The following SAE1 variants were observed in gnomAD, a reference collection of about 807,000 sequenced individuals.
SAE1 encodes SUMO1 activating enzyme subunit 1.
A neutral mutation model predicts 40.6 loss-of-function variants in SAE1; 11 were observed. The observed-to-expected ratio is 0.27, with a 90% CI of 0.17 to 0.45. The LOEUF is 0.45. SAE1 is among the 20% of genes least tolerant of loss of function. The pLI is 1.00. For synonymous variants in SAE1, 155 were observed against 154.3 expected, an observed-to-expected ratio of 1.00 and a Z score of -0.03; for missense variants, 373 against 427.3, an observed-to-expected ratio of 0.87 and a Z score of 1.12.
At chr19:47,145,419 T>C (rs905756043) in intron 2 of SAE1, among the ~76,000 whole-genome samples, 2 of 152,174 alleles carry the variant, frequency 1.3e-5, no homozygotes, top group Non-Finnish European at 1.5e-5. Flanking sequence ...AGTGCGGTGA[T>C]TACAGGTGTG....
At chr19:47,179,140 C>T (rs1166300662) in intron 6 of SAE1, among the ~76,000 whole-genome samples, 10 of 144,518 alleles carry the variant, frequency 6.9e-5, no homozygotes, top group African/African-American at 2.1e-4. Context: ...TGCAGTGAGC[C>T]GAGATCTCAC....
At chr19:47,208,686 G>C (rs1237801693) in intron 8 of SAE1, among the ~76,000 whole-genome samples, 1 of 152,084 alleles carries the variant, frequency 6.6e-6, no homozygotes, top group African/African-American at 2.4e-5. Flanking sequence ...CAGCCTCCCA[G>C]AGTGCTGGGA....
intron 6 of SAE1, among the ~76,000 whole-genome samples, chr19:47,190,422 G>A (rs2058571502): frequency 6.6e-6 from 1 of 152,206 alleles, no homozygotes; most frequent in East Asian, 1.9e-4. Flanking sequence ...CTTGTCAGGG[G>A]CTAGGGTCAG....
In SAE1 at chr19:47,169,867, G is replaced by A. The variant is rs1308027207; in HGVS notation, c.677G>A (p.Ser226Asn). Residue 226 changes from serine (S) to asparagine (N), a missense_variant, in exon 6 of 9, where the codon AGT (serine) becomes AAT (asparagine). This residue lies in a region of SAE1 where 351 missense variants were observed against 390.6 expected (regional missense o/e 0.90). Coordinates refer to ENST00000270225, the MANE Select transcript of SAE1 (RefSeq NM_005500.3). Reference sequence around the variant, plus strand: ...GAAGCCCTGGAGGTGGACTGGAGCAGTGAGAAAGCAAAGGCTGCTCTGAAG... The same window carrying A: ...GAAGCCCTGGAGGTGGACTGGAGCAATGAGAAAGCAAAGGCTGCTCTGAAG... ...VKEALEVDWS[S>N]EKAKAALKRT... 9 of 1,614,088 alleles carry A rather than the reference G, an allele frequency of 5.6e-6. No homozygotes were observed. Among genetic ancestry groups the A allele is most frequent in the Non-Finnish European group, 7.6e-6 (9 of 1,180,036 alleles).
chr19:47,138,890 G>A (rs898021192), intron 1 of SAE1, among the ~76,000 whole-genome samples: 14 of 152,144 alleles, frequency 9.2e-5, no homozygotes, highest in African/African-American at 3.4e-4. Context: ...GATAGAAGAG[G>A]ATGTGGACCT....
At chr19:47,167,026 G>A (rs543916288) in intron 5 of SAE1, among the ~76,000 whole-genome samples, 55 of 151,690 alleles carry the variant, frequency 3.6e-4, no homozygotes, top group Non-Finnish European at 6.6e-4. Context: ...ACCTTGGCTC[G>A]CTGCAACCTC....
chr19:47,157,991 A>G (rs1291808507), intron 5 of SAE1, among the ~76,000 whole-genome samples: 1 of 147,594 alleles, frequency 6.8e-6, no homozygotes, highest in Non-Finnish European at 1.5e-5. Flanking sequence ...TGTGATTTCA[A>G]GGTTCTCTTC....
chr19:47,196,966 A>G (rs541105860), intron 6 of SAE1, among the ~76,000 whole-genome samples: 1 of 152,070 alleles, frequency 6.6e-6, no homozygotes, highest in South Asian at 2.1e-4. Flanking sequence ...GCGGATCACG[A>G]GGTCAGGAGT....
intron 1 of SAE1, among the ~76,000 whole-genome samples, chr19:47,141,048 G>C (rs2058218707): frequency 6.6e-6 from 1 of 151,514 alleles, no homozygotes; most frequent in Non-Finnish European, 1.5e-5. Flanking sequence ...GTCTCGCTGT[G>C]TCACCCAGAC....
intron 4 of SAE1, among the ~76,000 whole-genome samples, chr19:47,154,492 T>TTC (rs1568591004): frequency 2.4e-5 from 3 of 125,452 alleles, no homozygotes; most frequent in Admixed American, 8.1e-5. Flanking sequence ...TTTTTTTTTT[T>TTC]TTTTTTTTTT....
chr19:47,143,914 G>A (rs1023733226), intron 2 of SAE1, among the ~76,000 whole-genome samples: 1 of 152,140 alleles, frequency 6.6e-6, no homozygotes, highest in African/African-American at 2.4e-5. Flanking sequence ...TCCAATTTGT[G>A]CCTAAAAATG....
At chr19:47,193,080 C>T (rs1395248869) in intron 6 of SAE1, among the ~76,000 whole-genome samples, 3 of 136,746 alleles carry the variant, frequency 2.2e-5, no homozygotes, top group African/African-American at 8.5e-5. Flanking sequence ...TTTTTGGAGA[C>T]AGAGTCTTGC....
chr19:47,193,982 G>T (rs777006357), intron 6 of SAE1, among the ~76,000 whole-genome samples: 2 of 152,128 alleles, frequency 1.3e-5, no homozygotes, highest in Non-Finnish European at 2.9e-5. Context: ...TAGCCCAGAA[G>T]CAGGGTGTGT....
intron 1 of SAE1, among the ~76,000 whole-genome samples, chr19:47,139,792 G>A (rs562542969): frequency 2.9e-5 from 4 of 137,404 alleles, no homozygotes; most frequent in African/African-American, 1.1e-4. Context: ...TAGTAGAAAC[G>A]GGGTTTTACC....
intron 5 of SAE1, among the ~76,000 whole-genome samples, 181 bp downstream of exon 5, chr19:47,155,394 CA>C (rs1221394057): frequency 6.6e-6 from 1 of 152,034 alleles, no homozygotes; most frequent in Non-Finnish European, 1.5e-5. Context: ...AATGTGGGCC[CA>C]GTGATTCCAG....
At chr19:47,131,535 A>G (rs907697900) in intron 1 of SAE1, among the ~76,000 whole-genome samples, 2 of 151,506 alleles carry the variant, frequency 1.3e-5, no homozygotes, top group African/African-American at 4.9e-5. Context: ...GGTTTTGAGG[A>G]GTTTTGGAGC....
At chr19:47,138,557 T>C (rs185260425) in intron 1 of SAE1, among the ~76,000 whole-genome samples, 23 of 152,366 alleles carry the variant, frequency 1.5e-4, no homozygotes, top group Non-Finnish European at 3.4e-4. Context: ...CACAGGTTTG[T>C]TTTGGTGTGT....
chr19:47,176,454 C>T (rs1600188814), intron 6 of SAE1, among the ~76,000 whole-genome samples: 1 of 152,320 alleles, frequency 6.6e-6, no homozygotes, highest in Non-Finnish European at 1.5e-5. Context: ...TGCCTAATGG[C>T]GCACATAGTA....
At chr19:47,153,078 CT>C in intron 4 of SAE1, 38 bp downstream of exon 4, 3 of 1,529,626 alleles carry the variant, frequency 2.0e-6, no homozygotes, top group Non-Finnish European at 2.6e-6. Context: ...ATAACATTTT[CT>C]CCTTTTTATA....
Sources: allele counts gnomAD v4.1 joint callset (sites outside exome capture counted in the v4.1 genomes callset), GRCh38; gene constraint gnomAD v4.1.1; regional missense constraint gnomAD v4.1.1; transcripts MANE v1.5; gene names NCBI Gene and HGNC (gene_info 2026-07-23, HGNC 2026-07-21).